The following GALNT13 variants were observed in gnomAD, a reference collection of about 807,000 sequenced individuals.
GALNT13 encodes polypeptide N-acetylgalactosaminyltransferase 13.
In GALNT13, 28 loss-of-function variants were observed where a neutral mutation model predicts 64.2. The ratio of observed to expected loss-of-function variants is 0.44; its 90% CI spans 0.32 to 0.60. GALNT13 has a LOEUF of 0.60. Among genes scored for constraint, GALNT13 ranks in the 20% least tolerant of loss-of-function variants. GALNT13 has a pLI of 0.05. For synonymous variants in GALNT13, 214 were observed against 224.6 expected, an observed-to-expected ratio of 0.95 and a Z score of 0.42; for missense variants, 577 against 669.8, an observed-to-expected ratio of 0.86 and a Z score of 1.53.
the GALNT13 span, among the ~76,000 whole-genome samples, chr2:153,327,921 T>A: frequency 6.6e-6 from 1 of 152,208 alleles, no homozygotes; most frequent in South Asian, 2.1e-4. Flanking sequence ...TTTTTTCTCA[T>A]CTTCATGGAT....
At chr2:153,441,554 A>G in the GALNT13 span, among the ~76,000 whole-genome samples, 15 of 152,268 alleles carry the variant, frequency 9.9e-5, no homozygotes, top group Non-Finnish European at 1.8e-4. Context: ...GGCCATTTTC[A>G]CCATAATGAT....
chr2:154,292,394 T>A (rs1210012217), intron 8 of GALNT13, among the ~76,000 whole-genome samples: 1 of 152,242 alleles, frequency 6.6e-6, no homozygotes, highest in African/African-American at 2.4e-5. Context: ...CTGTTCTAGA[T>A]TGTTGCAATA....
intron 2 of GALNT13, among the ~76,000 whole-genome samples, chr2:153,915,996 AAGAT>A (rs1479022512): frequency 6.6e-6 from 1 of 151,012 alleles, no homozygotes. Flanking sequence ...GATGAAGGGA[AAGAT>A]AGATATTTAG....
chr2:154,349,733 T>G (rs1696283612), intron 9 of GALNT13, among the ~76,000 whole-genome samples: 1 of 152,216 alleles, frequency 6.6e-6, no homozygotes, highest in Non-Finnish European at 1.5e-5. Flanking sequence ...TGGGATGATG[T>G]CCAAGCCAGT....
chr2:153,462,851 T>C, the GALNT13 span, among the ~76,000 whole-genome samples: 1 of 152,120 alleles, frequency 6.6e-6, no homozygotes, highest in Non-Finnish European at 1.5e-5. Context: ...TAAGCCAGAA[T>C]ACTGTTGCAT....
At chr2:153,842,110 A>C in the GALNT13 span, among the ~76,000 whole-genome samples, 1 of 151,780 alleles carries the variant, frequency 6.6e-6, no homozygotes, top group African/African-American at 2.4e-5. Flanking sequence ...ATTGAAAAAA[A>C]GTATAAAACT....
At chr2:153,318,882 CT>C in the GALNT13 span, among the ~76,000 whole-genome samples, 1 of 152,082 alleles carries the variant, frequency 6.6e-6, no homozygotes, top group Non-Finnish European at 1.5e-5. Context: ...GCTGTGTTAT[CT>C]TTTATTTTTA....
the GALNT13 span, among the ~76,000 whole-genome samples, chr2:153,630,786 TA>T: frequency 9.6e-5 from 1 of 10,428 alleles, no homozygotes; most frequent in African/African-American, 3.3e-4. Context: ...TATATATATA[TA>T]TATATATATA....
intron 3 of GALNT13, among the ~76,000 whole-genome samples, chr2:153,958,037 G>A (rs1040362590): frequency 6.6e-6 from 1 of 152,186 alleles, no homozygotes; most frequent in African/African-American, 2.4e-5. Flanking sequence ...ACTTCCGTTA[G>A]GTATCTCCTG....
At chr2:153,327,860 G>A in the GALNT13 span, among the ~76,000 whole-genome samples, 3 of 151,952 alleles carry the variant, frequency 2.0e-5, no homozygotes, top group Non-Finnish European at 4.4e-5. Context: ...GTGATCCTTT[G>A]GAGAAGAAGA....
In GALNT13 at chr2:154,352,442, ATT is replaced by A. The variant is rs545273132; in HGVS notation, c.1157-43548_1157-43547del. 9.8e-5 allele frequency among the ~76,000 whole-genome samples: 15 copies of A among 152,320 alleles called. No individual in the cohort carries two copies. In the South Asian group the frequency reaches 3.1e-3, roughly 32 times the overall value. Reference sequence around the variant, plus strand: ...AGCTATTTATTGAATGCTTGCTAATATTGTTAGGCACAGTTCTAGGTGCTGTT... The same window carrying A: ...AGCTATTTATTGAATGCTTGCTAATAGTTAGGCACAGTTCTAGGTGCTGTT... On this transcript the variant is annotated intron_variant, in intron 9 of 12. Coordinates refer to ENST00000392825, the MANE Select transcript of GALNT13 (RefSeq NM_052917.4).
chr2:153,403,032 T>C, the GALNT13 span, among the ~76,000 whole-genome samples: 3 of 151,108 alleles, frequency 2.0e-5, no homozygotes, highest in South Asian at 2.1e-4. Flanking sequence ...AGTTTTTCTG[T>C]TCTGTTTTTT....
intron 3 of GALNT13, among the ~76,000 whole-genome samples, chr2:154,014,584 T>G (rs1323132030): frequency 1.3e-5 from 2 of 148,486 alleles, no homozygotes; most frequent in African/African-American, 5.0e-5. Context: ...TCTGTTTTTT[T>G]TTGTTGTTGT....
At chr2:154,006,735 G>T (rs998898194) in intron 3 of GALNT13, among the ~76,000 whole-genome samples, 5 of 152,102 alleles carry the variant, frequency 3.3e-5, no homozygotes, top group African/African-American at 1.2e-4. Flanking sequence ...AAATTACCAG[G>T]CTAAGAAGCC....
intron 9 of GALNT13, among the ~76,000 whole-genome samples, chr2:154,325,160 T>G (rs797017894): frequency 1.1e-4 from 17 of 152,102 alleles, no homozygotes; most frequent in African/African-American, 4.1e-4. Flanking sequence ...ATGCTTCATA[T>G]TAGAGAGCCG....
the GALNT13 span, among the ~76,000 whole-genome samples, chr2:153,349,055 T>C: frequency 3.3e-5 from 5 of 152,212 alleles, no homozygotes; most frequent in Non-Finnish European, 7.3e-5. Flanking sequence ...TTAACTATGA[T>C]AAGTACATTT....
chr2:153,607,683 A>G, the GALNT13 span, among the ~76,000 whole-genome samples: 1 of 152,126 alleles, frequency 6.6e-6, no homozygotes, highest in Non-Finnish European at 1.5e-5. Context: ...AATTGAATCT[A>G]TGTGTTTACT....
At chr2:154,201,142 T>C (rs1687146404) in intron 4 of GALNT13, among the ~76,000 whole-genome samples, 1 of 152,080 alleles carries the variant, frequency 6.6e-6, no homozygotes, top group Non-Finnish European at 1.5e-5. Flanking sequence ...ACTGAAGAAA[T>C]TGTGGTCAGC....
the GALNT13 span, among the ~76,000 whole-genome samples, chr2:153,196,203 G>T: frequency 1.3e-5 from 2 of 152,068 alleles, no homozygotes; most frequent in African/African-American, 4.8e-5. Flanking sequence ...GGACCCACCT[G>T]TTTCCGCCCA....
Sources: allele counts gnomAD v4.1 joint callset (sites outside exome capture counted in the v4.1 genomes callset), GRCh38; gene constraint gnomAD v4.1.1; transcripts MANE v1.5; gene names NCBI Gene and HGNC (gene_info 2026-07-23, HGNC 2026-07-21).